The following BRD3 variants were observed in gnomAD, a reference collection of about 807,000 sequenced individuals.
BRD3 encodes bromodomain containing 3.
Under a neutral mutation model 66.8 loss-of-function variants are expected in BRD3, and 17 were observed. That is an observed-to-expected ratio of 0.25 (90% CI 0.17 to 0.38). BRD3 has a LOEUF of 0.38. BRD3 is among the 10% of genes least tolerant of loss of function. The probability of loss-of-function intolerance (pLI) is 1.00; values close to 1 mark genes in which losing one functional copy is unlikely to be tolerated. For synonymous variants in BRD3, 421 were observed against 393.2 expected (o/e 1.07, Z -0.84); for missense variants, 713 against 956.1 (o/e 0.75, Z 3.35).
Position 134,031,258 on chromosome 9 carries a change from GCCGGCCGCTCC to G in BRD3, c.*2321_*2331del, listed in dbSNP as rs578019423. On this transcript the variant is annotated 3_prime_UTR_variant, in exon 12 of 12. Transcript: ENST00000303407. ...ATGCTCCTGCTGCGCTGCCCCCACA[GCCGGCCGCTCC>G]CCCGACGGCTCACACAGGCAGCACC... 24 of 211,218 alleles carry G rather than the reference GCCGGCCGCTCC, an allele frequency of 1.1e-4. No individual in the cohort carries two copies. In the South Asian group the frequency reaches 4.3e-3, roughly 38 times the overall value. The allele number at this position is 211,218 out of a possible 1,614,324, so 13.1% of individuals were successfully genotyped here.
At chr9:134,038,470 T>G (rs1360303901) in intron 9 of BRD3, among the ~76,000 whole-genome samples, 8 of 152,132 alleles carry the variant, frequency 5.3e-5, no homozygotes, top group African/African-American at 1.9e-4. Flanking sequence ...CTTTTTTTTG[T>G]AAAGAGATTG....
At chr9:134,066,831 G>A (rs369681171) in intron 1 of BRD3, among the ~76,000 whole-genome samples, 2 of 152,328 alleles carry the variant, frequency 1.3e-5, no homozygotes, top group Admixed American at 6.5e-5. Context: ...TGAGCAGAAA[G>A]CTTTCAACCA....
At chr9:134,056,392 T>C (rs113432840) in intron 1 of BRD3, among the ~76,000 whole-genome samples, 12,652 of 152,228 alleles carry the variant, frequency 0.083, 798 homozygotes, top group African/African-American at 0.18. Flanking sequence ...CCCTCGGTGG[T>C]GAGGCATGGT....
chr9:134,061,206 G>A (rs1195776676), intron 1 of BRD3, among the ~76,000 whole-genome samples: 1 of 152,256 alleles, frequency 6.6e-6, no homozygotes, highest in Admixed American at 6.5e-5. Context: ...AGGACAGAGG[G>A]GTGCTGCCTC....
chr9:134,037,350 T>A (rs1173474311), intron 9 of BRD3, among the ~76,000 whole-genome samples: 1 of 152,180 alleles, frequency 6.6e-6, no homozygotes, highest in African/African-American at 2.4e-5. Context: ...GGCAGGTGGA[T>A]CACCTGAGGT....
At chr9:134,062,056 G>A (rs918881869) in intron 1 of BRD3, among the ~76,000 whole-genome samples, 5 of 152,214 alleles carry the variant, frequency 3.3e-5, no homozygotes, top group Admixed American at 2.6e-4. Flanking sequence ...AGTGACAGAC[G>A]GAGCCAACTG....
chr9:134,054,730 G>A (rs1185361569), intron 1 of BRD3, among the ~76,000 whole-genome samples: 1 of 152,174 alleles, frequency 6.6e-6, no homozygotes, highest in Non-Finnish European at 1.5e-5. Flanking sequence ...GGAAGTTTGT[G>A]AGCTGGGTGA....
In BRD3 at chr9:134,030,427, G is replaced by A. The variant is rs1267982475; in HGVS notation, c.*3163C>T. On this transcript the variant is annotated 3_prime_UTR_variant, in exon 12 of 12. Coordinates refer to ENST00000303407, the MANE Select transcript of BRD3 (RefSeq NM_007371.4). ...TACCATTTTTATTCTGTTGTGTTGA[G>A]GCCAGCATTGCAATAAACAAGCTAA... The A allele has an allele frequency of 5.3e-6, 1 of 189,096 alleles. No homozygotes were observed. The highest frequency in any genetic ancestry group is 2.4e-5 in the African/African-American group (1 of 42,052). 11.7% of individuals were successfully genotyped at this position (189,096 alleles called of 1,614,324 possible). A position where few individuals can be genotyped will look rare whatever the true frequency, so the allele number is the denominator to read the frequency against.
intron 9 of BRD3, among the ~76,000 whole-genome samples, chr9:134,037,031 G>A (rs535532275): frequency 3.7e-4 from 56 of 151,842 alleles, no homozygotes; most frequent in Non-Finnish European, 6.8e-4. Context: ...AAAAAAGAAA[G>A]AAATATAAAT....
intron 5 of BRD3, among the ~76,000 whole-genome samples, chr9:134,048,747 G>C (rs1322167773): frequency 3.9e-5 from 6 of 152,128 alleles, no homozygotes; most frequent in Admixed American, 3.9e-4. Context: ...AGGGGTCCCG[G>C]GTGGGCTCGC....
intron 1 of BRD3, among the ~76,000 whole-genome samples, chr9:134,063,373 G>A (rs928143212): frequency 6.6e-6 from 1 of 152,230 alleles, no homozygotes; most frequent in African/African-American, 2.4e-5. Flanking sequence ...CCAGGGCTCT[G>A]TCCTGTGGTG....
At chr9:134,053,736 G>C in intron 1 of BRD3, 146 bp from the exon 2 acceptor site, 1 of 665,614 alleles carries the variant, frequency 1.5e-6, no homozygotes, top group Non-Finnish European at 2.4e-6. Flanking sequence ...AGCCACCCAG[G>C]TGAGAGGCTG....
chr9:134,051,108 CCT>C (rs1830284465), intron 4 of BRD3, among the ~76,000 whole-genome samples: 2 of 152,192 alleles, frequency 1.3e-5, no homozygotes, highest in Admixed American at 1.3e-4. Flanking sequence ...CACCATGCTC[CCT>C]GACAGCAAGA....
At chr9:134,041,148 A>G (rs1830037491) in intron 8 of BRD3, among the ~76,000 whole-genome samples, 1 of 152,204 alleles carries the variant, frequency 6.6e-6, no homozygotes, top group South Asian at 2.1e-4. Flanking sequence ...CTGACTCGAC[A>G]GCCCTGCTCT....
intron 4 of BRD3, 121 bp from the exon 5 acceptor site, chr9:134,050,709 A>T (rs1830274518): frequency 1.3e-6 from 1 of 770,742 alleles, no homozygotes; most frequent in Non-Finnish European, 2.1e-6. Context: ...ACCGCCGGCC[A>T]GAAGAACCCT....
At chr9:134,036,678 G>C in intron 9 of BRD3, 4 of 1,078,726 alleles carry the variant, frequency 3.7e-6, no homozygotes, top group Non-Finnish European at 5.6e-6. Context: ...TAAAATGAGA[G>C]ACCGAAATCC....
Position 134,048,071 on chromosome 9 carries a change from G to A in BRD3, c.1086+12C>T, listed in dbSNP as rs201585682. 4,061 of 1,547,738 alleles carry A rather than the reference G, an allele frequency of 2.6e-3. 8 individuals are homozygous for A. The highest frequency in any genetic ancestry group is 3.2e-3 in the Non-Finnish European group (3,636 of 1,145,022). ...ACATGGGCAGAGCAGGGCCTGCCGC[G>A]CGGCCACGTACTTTCACGGTGCTGA... is the stretch of plus-strand genomic sequence containing the variant. On this transcript the variant is annotated intron_variant, in intron 6 of 11. Coordinates refer to ENST00000303407, the MANE Select transcript of BRD3 (RefSeq NM_007371.4).
rs1389978184 is a variant in BRD3, at chr9:134,067,929, C to A, written c.-114+16G>T. On this transcript the variant is annotated intron_variant, in intron 1 of 11. Transcript: ENST00000303407. ...CCGCCGCCCCGCGCGCGCAAGGAAG[C>A]AAGAGAAAGGCGTACTTGGCCTCGC... 1.4e-5 allele frequency: 2 copies of A among 145,850 alleles called. No individual in the cohort carries two copies. The highest frequency in any genetic ancestry group is 1.8e-4 in the South Asian group (1 of 5,468). 9.0% of individuals were successfully genotyped at this position (145,850 alleles called of 1,614,324 possible).
At chr9:134,067,398 C>T (rs531834791) in intron 1 of BRD3, among the ~76,000 whole-genome samples, 1 of 114,302 alleles carries the variant, frequency 8.7e-6, no homozygotes, top group Non-Finnish European at 2.2e-5. Context: ...CAGGCGCGGG[C>T]CCCAGCAACG....
Sources: allele counts gnomAD v4.1 joint callset (sites outside exome capture counted in the v4.1 genomes callset), GRCh38; gene constraint gnomAD v4.1.1; transcripts MANE v1.5; gene names NCBI Gene and HGNC (gene_info 2026-07-23, HGNC 2026-07-21).